SUCLG1: variants seen among roughly 807,000 people sequenced by gnomAD.
SUCLG1 encodes the protein succinate--CoA ligase [ADP/GDP-forming] subunit alpha, mitochondrial.
SUCLG1 carries 26 observed loss-of-function variants against 37.3 expected under a neutral mutation model. The ratio of observed to expected loss-of-function variants is 0.70; its 90% CI spans 0.51 to 0.97. SUCLG1 has a LOEUF of 0.97. Ranked by LOEUF, SUCLG1 falls within the 50% of genes least tolerant of loss-of-function variation. SUCLG1 has a pLI of 0.00. For synonymous variants in SUCLG1, 163 were observed against 155.6 expected (o/e 1.05, Z -0.36); for missense variants, 433 against 432.9 (o/e 1.00, Z 0.00).
At chr2:84,445,451 A>C (rs2104259242) in intron 2 of SUCLG1, among the ~76,000 whole-genome samples, 1 of 151,996 alleles carries the variant, frequency 6.6e-6, no homozygotes. Context: ...TAAGCCTTGA[A>C]CTCCATATTC....
intron 7 of SUCLG1, among the ~76,000 whole-genome samples, chr2:84,429,303 T>C (rs1023228593): frequency 3.9e-5 from 6 of 152,182 alleles, no homozygotes; most frequent in African/African-American, 1.4e-4. Flanking sequence ...GATTCAGAAT[T>C]GGGCCCAAAT....
At chr2:84,455,786 A>C (rs1390094247) in intron 1 of SUCLG1, among the ~76,000 whole-genome samples, 1 of 150,486 alleles carries the variant, frequency 6.6e-6, no homozygotes, top group Non-Finnish European at 1.5e-5. Context: ...CAGTGAGCAG[A>C]GATCACGCCA....
At chr2:84,431,725 A>G in intron 6 of SUCLG1, 66 bp from the exon 7 acceptor site, 1 of 1,555,432 alleles carries the variant, frequency 6.4e-7, no homozygotes, top group Non-Finnish European at 8.8e-7. Context: ...TAGGTCAATA[A>G]ATGTTTTTAA....
chr2:84,449,650 T>C lies in SUCLG1; in HGVS notation c.200A>G (p.Gln67Arg). Residue 67 changes from glutamine (Q) to arginine (R), a missense_variant and splice_region_variant, in exon 2 of 9, where the codon CAG becomes CGG. Gln to Arg is a conservative substitution (Grantham distance 43, BLOSUM62 1). Coordinates refer to ENST00000393868, the MANE Select transcript of SUCLG1 (RefSeq NM_003849.4). ...KIICQGFTGKQGTFHSQQALE... is the reference protein window; with the variant it reads ...KIICQGFTGKRGTFHSQQALE... ...AAATAAAAATCTAGATATACATACC[T>C]GTTTGCCAGTGAAACCCTGGCAAAT... The C allele has an allele frequency of 6.3e-7, 1 of 1,584,712 alleles. No individual in the cohort carries two copies. The highest frequency in any genetic ancestry group is 1.2e-5 in the South Asian group (1 of 85,992).
intron 5 of SUCLG1, among the ~76,000 whole-genome samples, chr2:84,440,347 T>G (rs549312150): frequency 6.6e-6 from 1 of 152,178 alleles, no homozygotes; most frequent in Admixed American, 6.5e-5. Context: ...CACTCCAGCC[T>G]GGGCGACAGA....
At chr2:84,457,398 T>C (rs1673038697) in intron 1 of SUCLG1, among the ~76,000 whole-genome samples, 1 of 152,184 alleles carries the variant, frequency 6.6e-6, no homozygotes. Flanking sequence ...ACTTGAATAA[T>C]TCAAGCCCAC....
chr2:84,448,873 A>G, intron 2 of SUCLG1: 1 of 291,860 alleles, frequency 3.4e-6, no homozygotes, highest in Non-Finnish European at 7.1e-6. Flanking sequence ...CAAAACACAT[A>G]TTATATAAAT....
intron 1 of SUCLG1, among the ~76,000 whole-genome samples, chr2:84,452,744 A>C (rs1354645408): frequency 6.6e-6 from 1 of 152,210 alleles, no homozygotes; most frequent in Non-Finnish European, 1.5e-5. Context: ...AAACTCCATG[A>C]GTGTCAGGAC....
chr2:84,441,903 A>ATT (rs1432354634), intron 3 of SUCLG1, among the ~76,000 whole-genome samples: 1 of 152,218 alleles, frequency 6.6e-6, no homozygotes, highest in Non-Finnish European at 1.5e-5. Flanking sequence ...TACTTTAATG[A>ATT]AAAGTACCTA....
At chr2:84,423,831 AT>A (rs1282584222) in intron 8 of SUCLG1, 59 bp from the exon 9 acceptor site, 5 of 1,537,294 alleles carry the variant, frequency 3.3e-6, no homozygotes, top group Non-Finnish European at 4.4e-6. Context: ...AAAGATCCAA[AT>A]CACATTTAGG....
chr2:84,441,231 G>GT lies in SUCLG1; in HGVS notation c.531+15dup, dbSNP rs769785912. 226 of 1,613,774 alleles carry GT rather than the reference G, an allele frequency of 1.4e-4. No individual in the cohort carries two copies. In the Admixed American group the frequency reaches 2.3e-3, roughly 16 times the overall value. On this transcript the variant is annotated intron_variant, in intron 4 of 8. Coordinates refer to ENST00000393868, the MANE Select transcript of SUCLG1 (RefSeq NM_003849.4). ...AGAGGCTTAATCTGAGTTTCTTTTT[G>GT]TTTTTTTGCACTCACATTGATGACT...
intron 2 of SUCLG1, among the ~76,000 whole-genome samples, chr2:84,447,087 G>A (rs1369809970): frequency 1.2e-4 from 18 of 152,176 alleles, no homozygotes. Flanking sequence ...GAAACAAGAT[G>A]ACACCCACTG....
At chr2:84,436,529 T>C (rs1460850193) in intron 5 of SUCLG1, among the ~76,000 whole-genome samples, 1 of 152,202 alleles carries the variant, frequency 6.6e-6, no homozygotes, top group Non-Finnish European at 1.5e-5. Flanking sequence ...ATCTGCCACA[T>C]AACATGGCCT....
At position 84,441,276 on chromosome 2, in the gene SUCLG1, T is replaced by C. The variant is rs763324017; in HGVS notation, c.502A>G (p.Ile168Val). ...ATGACTCCAGGGCAGTTGGGCCCAATTAGCCTTGTCTTTTCCTGGCGCAGC... is the reference window on the plus strand; with the variant it reads ...ATGACTCCAGGGCAGTTGGGCCCAACTAGCCTTGTCTTTTCCTGGCGCAGC... ...KLLRQEKTRLIGPNCPGVINP... is the reference protein window; with the variant it reads ...KLLRQEKTRLVGPNCPGVINP... The change falls in exon 4 of 9, where the codon ATT becomes GTT. Residue 168 changes from isoleucine (I) to valine (V), a missense_variant. By Grantham distance (29) the Ile-to-Val change is conservative (BLOSUM62 3). Transcript: ENST00000393868. 7.4e-6 allele frequency: 12 copies of C among 1,614,022 alleles called. No individual in the cohort carries two copies. The highest frequency in any genetic ancestry group is 9.3e-6 in the Non-Finnish European group (11 of 1,180,040).
chr2:84,444,242 C>A (rs945276784), intron 2 of SUCLG1, among the ~76,000 whole-genome samples: 4 of 152,116 alleles, frequency 2.6e-5, no homozygotes, highest in Non-Finnish European at 5.9e-5. Flanking sequence ...CAAAATTCAC[C>A]CCCGATATTT....
chr2:84,447,192 A>G (rs1672862677), intron 2 of SUCLG1, among the ~76,000 whole-genome samples: 2 of 152,230 alleles, frequency 1.3e-5, no homozygotes, highest in South Asian at 2.1e-4. Flanking sequence ...CTAATGAGAC[A>G]ATATGCAGAT....
chr2:84,455,386 CG>C (rs1400330527), intron 1 of SUCLG1, among the ~76,000 whole-genome samples: 2 of 151,906 alleles, frequency 1.3e-5, no homozygotes, highest in Non-Finnish European at 2.9e-5. Flanking sequence ...CCCAGCTAGT[CG>C]GGAGGCTGAG....
intron 5 of SUCLG1, among the ~76,000 whole-genome samples, chr2:84,434,708 G>A (rs1163103724): frequency 6.6e-6 from 1 of 151,956 alleles, no homozygotes; most frequent in Non-Finnish European, 1.5e-5. Flanking sequence ...AGGGCAGGTA[G>A]AATTCTTGTC....
At chr2:84,443,634 C>T (rs1672807224) in intron 2 of SUCLG1, among the ~76,000 whole-genome samples, 1 of 151,998 alleles carries the variant, frequency 6.6e-6, no homozygotes, top group Admixed American at 6.5e-5. Flanking sequence ...TGGCTGATAA[C>T]CAGAAACTCC....
Sources: gnomAD v4.1 joint callset for allele counts (sites outside exome capture counted in the v4.1 genomes callset) on GRCh38, gnomAD v4.1.1 for gene constraint, MANE v1.5 for transcripts, NCBI Gene and HGNC (gene_info 2026-07-23, HGNC 2026-07-21) for gene names.